HOMER2: variants seen among roughly 807,000 people sequenced by gnomAD.
The protein encoded by HOMER2 is homer scaffold protein 2.
In HOMER2, 27 loss-of-function variants were observed where a neutral mutation model predicts 47.0. The ratio of observed to expected loss-of-function variants is 0.57; its 90% CI spans 0.42 to 0.79. The LOEUF (loss-of-function observed/expected upper bound fraction) is 0.79. Among genes scored for constraint, HOMER2 ranks in the 30% least tolerant of loss-of-function variants. The probability of loss-of-function intolerance (pLI) is 0.00; values close to 1 mark genes in which losing one functional copy is unlikely to be tolerated. For missense variants in HOMER2, 443 were observed against 435.0 expected (o/e 1.02, Z -0.16); for synonymous variants, 161 against 163.8 (o/e 0.98, Z 0.13).
chr15:82,879,231 C>T (rs971966458), intron 2 of HOMER2, among the ~76,000 whole-genome samples: 1 of 152,216 alleles, frequency 6.6e-6, no homozygotes, highest in African/African-American at 2.4e-5. Flanking sequence ...TTTGCAGGCT[C>T]ATGCCTGTAA....
intron 4 of HOMER2, among the ~76,000 whole-genome samples, chr15:82,861,002 GAAAGA>G (rs1277634535): frequency 4.5e-5 from 3 of 66,854 alleles, no homozygotes; most frequent in South Asian, 3.9e-4. Context: ...AGAAAGGAAA[GAAAGA>G]AAAGAAAACA....
chr15:82,866,639 G>A (rs1405753928), intron 3 of HOMER2, among the ~76,000 whole-genome samples: 1 of 152,186 alleles, frequency 6.6e-6, no homozygotes, highest in Non-Finnish European at 1.5e-5. Flanking sequence ...AGAACCTGGT[G>A]GGAGTAACTG....
intron 2 of HOMER2, among the ~76,000 whole-genome samples, chr15:82,875,853 T>C (rs1886682319): frequency 6.6e-6 from 1 of 152,166 alleles, no homozygotes; most frequent in Non-Finnish European, 1.5e-5. Context: ...TATAAGCAAT[T>C]GAGGCCTGCT....
At chr15:82,921,792 T>G (rs936476743) in intron 1 of HOMER2, among the ~76,000 whole-genome samples, 10 of 152,270 alleles carry the variant, frequency 6.6e-5, no homozygotes, top group Non-Finnish European at 1.3e-4. Context: ...TGGGCTCTGG[T>G]CTCCTCTGTG....
At chr15:82,874,022 C>T (rs1028322143) in intron 3 of HOMER2, among the ~76,000 whole-genome samples, 3 of 152,228 alleles carry the variant, frequency 2.0e-5, no homozygotes, top group Admixed American at 6.5e-5. Flanking sequence ...TGAAAACTGT[C>T]TTCAATACAC....
chr15:82,985,362 A>T (rs1433713739), intron 1 of HOMER2, among the ~76,000 whole-genome samples: 1 of 152,192 alleles, frequency 6.6e-6, no homozygotes, highest in African/African-American at 2.4e-5. Context: ...CTAGTAGCAG[A>T]GTGATGCTAG....
chr15:82,974,862 G>C (rs995779731), intron 1 of HOMER2, among the ~76,000 whole-genome samples: 2 of 152,232 alleles, frequency 1.3e-5, no homozygotes, highest in Non-Finnish European at 2.9e-5. Flanking sequence ...CTGAGGTCAG[G>C]AGTTCGACAC....
chr15:82,930,022 C>T (rs925278764), intron 1 of HOMER2, among the ~76,000 whole-genome samples: 7 of 152,220 alleles, frequency 4.6e-5, no homozygotes, highest in African/African-American at 1.7e-4. Flanking sequence ...AGCCACCACG[C>T]CCGGCCTAAC....
chr15:82,945,744 G>A (rs576616907), intron 1 of HOMER2, among the ~76,000 whole-genome samples: 3 of 152,294 alleles, frequency 2.0e-5, no homozygotes, highest in African/African-American at 7.2e-5. Context: ...GCCAAGGCGG[G>A]CAAATCACGA....
intron 5 of HOMER2, among the ~76,000 whole-genome samples, chr15:82,855,973 C>T (rs574080551): frequency 3.3e-4 from 51 of 152,248 alleles, no homozygotes; most frequent in African/African-American, 1.2e-3. Flanking sequence ...GGGAGGTTTC[C>T]GCCTGGCTAA....
upstream of HOMER2, among the ~76,000 whole-genome samples, chr15:82,954,460 G>T (rs1004998727): frequency 1.2e-3 from 156 of 134,418 alleles, no homozygotes; most frequent in Middle Eastern, 3.9e-3. Context: ...ACCACGCCCA[G>T]TTTTTTTTTT....
At chr15:82,925,779 A>T (rs1166813637) in intron 1 of HOMER2, 1 of 152,088 alleles carries the variant, frequency 6.6e-6, no homozygotes, top group Non-Finnish European at 1.5e-5. Context: ...TCACAGCTGG[A>T]CCACTAGGCT....
chr15:82,908,060 T>C (rs1163310235), intron 1 of HOMER2, among the ~76,000 whole-genome samples: 1 of 152,080 alleles, frequency 6.6e-6, no homozygotes, highest in African/African-American at 2.4e-5. Context: ...AAAAAACCTA[T>C]GAAGACAAAG....
chr15:82,900,445 AATT>A (rs752506374), intron 1 of HOMER2, among the ~76,000 whole-genome samples: 1 of 151,774 alleles, frequency 6.6e-6, no homozygotes, highest in Admixed American at 6.6e-5. Context: ...AACATAATAA[AATT>A]ATTATTTTTA....
In HOMER2 at chr15:82,950,530, A is replaced by C. The variant is rs1330641923; in HGVS notation, c.5+2001T>G. ...ATGACATTGGTTCTATTTTCAGTTA[A>C]AACGGCTCCCTCCACCCTCCTGTCT... On this transcript the variant is annotated intron_variant, in intron 1 of 8. Coordinates refer to ENST00000450735, the MANE Select transcript of HOMER2 (RefSeq NM_004839.4). Among the ~76,000 whole-genome samples the C allele has an allele frequency of 2.6e-5, 4 of 152,290 alleles. No homozygotes were observed. The East Asian group carries it at 5.8e-4, about 22-fold the overall frequency.
intron 1 of HOMER2, among the ~76,000 whole-genome samples, chr15:82,907,484 G>T (rs1376191988): frequency 2.0e-5 from 3 of 150,104 alleles, no homozygotes; most frequent in Non-Finnish European, 3.0e-5. Context: ...AGGAAGGAAA[G>T]AAAAAGGAAA....
At chr15:82,892,551 A>T in intron 2 of HOMER2, 134 bp downstream of exon 2, 1 of 653,208 alleles carries the variant, frequency 1.5e-6, no homozygotes, top group Non-Finnish European at 2.4e-6. Context: ...CCGTAAGTTT[A>T]AATGCAAAAA....
intron 1 of HOMER2, among the ~76,000 whole-genome samples, chr15:82,945,459 T>A (rs2054355230): frequency 6.6e-6 from 1 of 152,178 alleles, no homozygotes; most frequent in Non-Finnish European, 1.5e-5. Flanking sequence ...TTGCTCTATG[T>A]AGACATACAT....
chr15:82,892,587 A>G (rs1219644722), intron 2 of HOMER2, 98 bp downstream of exon 2: 4 of 936,458 alleles, frequency 4.3e-6, no homozygotes, highest in Non-Finnish European at 6.2e-6. Context: ...TACAGACATT[A>G]TAACAATAAC....
Sources: allele counts gnomAD v4.1 joint callset (sites outside exome capture counted in the v4.1 genomes callset), GRCh38; gene constraint gnomAD v4.1.1; transcripts MANE v1.5; gene names NCBI Gene and HGNC (gene_info 2026-07-23, HGNC 2026-07-21).